The following NRXN3 variants were observed in gnomAD, a reference collection of about 807,000 sequenced individuals.
The protein encoded by NRXN3 is neurexin 3.
Under a neutral mutation model 137.6 loss-of-function variants are expected in NRXN3, and 32 were observed. That is an observed-to-expected ratio of 0.23 (90% CI 0.18 to 0.31). The LOEUF (loss-of-function observed/expected upper bound fraction) is 0.31. NRXN3 is among the 10% of genes least tolerant of loss of function. The pLI, the probability that NRXN3 is intolerant of heterozygous loss-of-function variation, is 1.00. For missense variants in NRXN3, 1,574 were observed against 2,062.5 expected (o/e 0.76, Z 4.59); for synonymous variants, 798 against 784.5 (o/e 1.02, Z -0.29).
At chr14:79,738,898 G>T (rs1166614672) in intron 19 of NRXN3, among the ~76,000 whole-genome samples, 2 of 152,228 alleles carry the variant, frequency 1.3e-5, no homozygotes, top group African/African-American at 4.8e-5. Context: ...GTGCCAATTT[G>T]TTATAGCAGC....
At chr14:79,403,944 A>G (rs1233406843) in intron 15 of NRXN3, among the ~76,000 whole-genome samples, 4 of 152,170 alleles carry the variant, frequency 2.6e-5, no homozygotes, top group Non-Finnish European at 5.9e-5. Flanking sequence ...TAACCCAAAC[A>G]ACTAGATTGC....
intron 16 of NRXN3, among the ~76,000 whole-genome samples, chr14:79,637,335 CATAATCAGGGTGTCCTGA>C (rs1164940497): frequency 1.3e-5 from 2 of 152,222 alleles, no homozygotes; most frequent in East Asian, 3.9e-4. Context: ...TCCTTGAGTT[CATAATCAGGGTGTCCTGA>C]ATATACTACA....
intron 4 of NRXN3, among the ~76,000 whole-genome samples, chr14:78,497,642 C>T (rs1205736550): frequency 1.3e-5 from 2 of 152,072 alleles, no homozygotes; most frequent in Non-Finnish European, 2.9e-5. Flanking sequence ...ATCTGTCCAC[C>T]CATCTGTCTT....
At chr14:78,201,487 C>T (rs550087545) in intron 1 of NRXN3, among the ~76,000 whole-genome samples, 20 of 152,240 alleles carry the variant, frequency 1.3e-4, no homozygotes, top group Non-Finnish European at 1.3e-4. Context: ...AGCCTGCTCA[C>T]GTTCTGTCCT....
intron 4 of NRXN3, among the ~76,000 whole-genome samples, chr14:78,575,750 G>T (rs2096930133): frequency 6.6e-6 from 1 of 152,174 alleles, no homozygotes; most frequent in Non-Finnish European, 1.5e-5. Context: ...ACAAGCGGGG[G>T]TGGTGGTGAT....
chr14:79,589,253 T>G (rs987285222), intron 16 of NRXN3, among the ~76,000 whole-genome samples: 3 of 152,122 alleles, frequency 2.0e-5, no homozygotes, highest in African/African-American at 7.2e-5. Context: ...AAACTCTGTC[T>G]CGAAACAAGC....
chr14:78,774,777 A>G (rs1220057421), intron 8 of NRXN3, among the ~76,000 whole-genome samples: 2 of 152,100 alleles, frequency 1.3e-5, no homozygotes, highest in African/African-American at 2.4e-5. Flanking sequence ...ATACAAAATT[A>G]GCTGAGTGTG....
At chr14:79,302,163 C>A (rs998548582) in intron 15 of NRXN3, among the ~76,000 whole-genome samples, 2 of 152,004 alleles carry the variant, frequency 1.3e-5, no homozygotes, top group East Asian at 3.9e-4. Flanking sequence ...ATTTATTAAG[C>A]CCTTGTCATA....
At chr14:79,208,963 G>A (rs1274894764) in intron 15 of NRXN3, among the ~76,000 whole-genome samples, 1 of 152,090 alleles carries the variant, frequency 6.6e-6, no homozygotes, top group Non-Finnish European at 1.5e-5. Flanking sequence ...TTTTGAGATG[G>A]AGTCTTGCTC....
At chr14:79,239,313 G>C (rs555688977) in intron 15 of NRXN3, among the ~76,000 whole-genome samples, 7 of 152,076 alleles carry the variant, frequency 4.6e-5, no homozygotes, top group Non-Finnish European at 1.0e-4. Flanking sequence ...AAGCAAAGTC[G>C]TGGAGAAGGG....
intron 4 of NRXN3, among the ~76,000 whole-genome samples, chr14:78,318,484 A>G (rs1313191544): frequency 6.6e-6 from 1 of 152,160 alleles, no homozygotes; most frequent in Non-Finnish European, 1.5e-5. Context: ...GGCTCTCAGT[A>G]AATACCTGTT....
intron 20 of NRXN3, among the ~76,000 whole-genome samples, chr14:79,855,744 C>T (rs975775428): frequency 6.6e-6 from 1 of 152,108 alleles, no homozygotes; most frequent in Non-Finnish European, 1.5e-5. Context: ...GAAATAATAA[C>T]ATTAGTAACT....
intron 8 of NRXN3, among the ~76,000 whole-genome samples, chr14:78,767,997 A>C (rs1014491434): frequency 4.0e-5 from 6 of 151,298 alleles, no homozygotes; most frequent in Admixed American, 2.0e-4. Context: ...CCTTCACTCT[A>C]TTTCTTAACA....
intron 15 of NRXN3, among the ~76,000 whole-genome samples, chr14:79,436,795 T>G (rs1317522664): frequency 1.3e-5 from 2 of 152,180 alleles, no homozygotes; most frequent in Non-Finnish European, 2.9e-5. Context: ...CTAATTGGAT[T>G]AAGTCCTCTC....
intron 15 of NRXN3, among the ~76,000 whole-genome samples, chr14:79,421,769 C>T (rs1010782513): frequency 6.6e-5 from 10 of 152,116 alleles, no homozygotes; most frequent in African/African-American, 2.4e-4. Context: ...TGCCCCAATG[C>T]CACCTTTAAT....
intron 15 of NRXN3, among the ~76,000 whole-genome samples, chr14:79,434,934 T>C (rs2095820649): frequency 6.6e-6 from 1 of 152,156 alleles, no homozygotes; most frequent in Non-Finnish European, 1.5e-5. Context: ...ACCCATTGAC[T>C]GAATCCGGTT....
At chr14:78,725,012 T>A (rs937495894) in intron 8 of NRXN3, among the ~76,000 whole-genome samples, 11 of 152,234 alleles carry the variant, frequency 7.2e-5, no homozygotes, top group African/African-American at 2.7e-4. Flanking sequence ...GATCATTTCA[T>A]GCTTCTTAGC....
At chr14:79,036,926 G>T (rs1040123320) in intron 15 of NRXN3, among the ~76,000 whole-genome samples, 1 of 151,922 alleles carries the variant, frequency 6.6e-6, no homozygotes, top group Non-Finnish European at 1.5e-5. Flanking sequence ...TTCTCTTAGA[G>T]GGATAAAAAT....
chr14:79,431,885 C>T (rs1472040202), intron 15 of NRXN3, among the ~76,000 whole-genome samples: 1 of 152,118 alleles, frequency 6.6e-6, no homozygotes, highest in Admixed American at 6.6e-5. Context: ...CCATTAATTT[C>T]TCTTCAGTGA....
Sources: gnomAD v4.1 joint callset for allele counts (sites outside exome capture counted in the v4.1 genomes callset) on GRCh38, gnomAD v4.1.1 for gene constraint, MANE v1.5 for transcripts, NCBI Gene and HGNC (gene_info 2026-07-23, HGNC 2026-07-21) for gene names.